Variants in MDGA2 observed in about 807,000 individuals in gnomAD.
MDGA2 encodes the protein MAM domain containing glycosylphosphatidylinositol anchor 2.
A neutral mutation model predicts 117.8 loss-of-function variants in MDGA2; 40 were observed. The ratio of observed to expected loss-of-function variants is 0.34; its 90% CI spans 0.26 to 0.44. MDGA2 has a LOEUF of 0.44. MDGA2 is among the 20% of genes least tolerant of loss of function. The pLI, the probability that MDGA2 is intolerant of heterozygous loss-of-function variation, is 1.00. For synonymous variants in MDGA2, 452 were observed against 439.0 expected, an observed-to-expected ratio of 1.03 and a Z score of -0.37; for missense variants, 1,123 against 1,250.6, an observed-to-expected ratio of 0.90 and a Z score of 1.54.
At chr14:46,987,270 T>A (rs764711683) in intron 8 of MDGA2, among the ~76,000 whole-genome samples, 14 of 152,076 alleles carry the variant, frequency 9.2e-5, no homozygotes, top group Non-Finnish European at 1.9e-4. Flanking sequence ...CATCACTGGT[T>A]TGTTTGTCCA....
At chr14:47,416,475 T>C (rs539944258) in intron 1 of MDGA2, among the ~76,000 whole-genome samples, 2 of 152,144 alleles carry the variant, frequency 1.3e-5, no homozygotes, top group East Asian at 3.9e-4. Context: ...TCTAATGGGT[T>C]GTAGTTAGGG....
rs989118730 is a variant in MDGA2, at chr14:47,330,099, T to A, written c.281-28549A>T. On this transcript the variant is annotated intron_variant, in intron 1 of 16. Coordinates refer to ENST00000399232, the MANE Select transcript of MDGA2 (RefSeq NM_001113498.3). Reference sequence around the variant, plus strand: ...TTAAAAGGAAGAACTGCAAAATCACTTGTATCTACACCTATATGTATATTT... The same window carrying A: ...TTAAAAGGAAGAACTGCAAAATCACATGTATCTACACCTATATGTATATTT... Among the ~76,000 whole-genome samples, 42 of 151,806 alleles carry A rather than the reference T, an allele frequency of 2.8e-4. 1 individual carries two copies. The highest frequency in any genetic ancestry group is 4.4e-5 in the Non-Finnish European group (3 of 67,858).
At chr14:47,572,168 T>A (rs1896032616) in intron 1 of MDGA2, among the ~76,000 whole-genome samples, 1 of 152,202 alleles carries the variant, frequency 6.6e-6, no homozygotes, top group Non-Finnish European at 1.5e-5. Context: ...GCACTGCTTG[T>A]GGCATTTATG....
intron 2 of MDGA2, among the ~76,000 whole-genome samples, chr14:47,294,103 C>CTTTTTTT (rs35698427): frequency 1.0e-5 from 1 of 99,142 alleles, no homozygotes; most frequent in Non-Finnish European, 1.9e-5. Context: ...ATATGGCAAT[C>CTTTTTTT]TTTTTTTTTT....
rs141768659 is a variant in MDGA2, at chr14:46,999,192, C to T, written c.1819+35819G>A. Among the ~76,000 whole-genome samples, 103 of 150,898 alleles carry T rather than the reference C, an allele frequency of 6.8e-4. 1 individual carries two copies. Among genetic ancestry groups the T allele is most frequent in the African/African-American group, 2.3e-3 (95 of 41,270 alleles). On this transcript the variant is annotated intron_variant, in intron 8 of 16. Transcript: ENST00000399232. ...GTGGAATCAGAAGGCAAAAATTCTA[C>T]TGTTGTCACAGCAGGTAAAAAAAAA...
chr14:47,615,697 C>G lies in MDGA2; in HGVS notation c.280+58820G>C, dbSNP rs373582508. ...TAATAGGCAATCCTAAAGCCTCAATCTCATTTATCACCAGCTTAGGTGAGA... is the reference window on the plus strand; with the variant it reads ...TAATAGGCAATCCTAAAGCCTCAATGTCATTTATCACCAGCTTAGGTGAGA... On this transcript the variant is annotated intron_variant, in intron 1 of 16. Transcript: ENST00000399232. Among the ~76,000 whole-genome samples the G allele has an allele frequency of 9.9e-4, 151 of 152,326 alleles. 3 individuals carry two copies. In the South Asian group the frequency reaches 0.029, roughly 30 times the overall value.
At chr14:47,597,929 G>GA (rs1896577597) in intron 1 of MDGA2, among the ~76,000 whole-genome samples, 1 of 148,344 alleles carries the variant, frequency 6.7e-6, no homozygotes, top group Non-Finnish European at 1.5e-5. Context: ...AATTACCCAA[G>GA]AAAAAAACAT....
chr14:47,067,734 A>C (rs1436252351), intron 6 of MDGA2, among the ~76,000 whole-genome samples: 1 of 152,224 alleles, frequency 6.6e-6, no homozygotes, highest in Non-Finnish European at 1.5e-5. Context: ...CTAAGCACTG[A>C]TATGAACAAG....
chr14:47,174,556 C>T (rs963849201), intron 3 of MDGA2, among the ~76,000 whole-genome samples: 2 of 152,050 alleles, frequency 1.3e-5, no homozygotes, highest in African/African-American at 4.8e-5. Context: ...CTACTGGGTA[C>T]ATAATGAAAT....
chr14:47,027,490 ACTTT>A (rs917877618), intron 8 of MDGA2, among the ~76,000 whole-genome samples: 20 of 152,138 alleles, frequency 1.3e-4, no homozygotes, highest in African/African-American at 4.6e-4. Context: ...GGTTGTACTT[ACTTT>A]AAGGTAGCAG....
chr14:46,948,596 C>A (rs1885257795), intron 9 of MDGA2, among the ~76,000 whole-genome samples: 1 of 151,934 alleles, frequency 6.6e-6, no homozygotes, highest in South Asian at 2.1e-4. Flanking sequence ...AGAGGAAGAA[C>A]AGTAGAAACT....
intron 1 of MDGA2, among the ~76,000 whole-genome samples, chr14:47,336,660 A>G (rs1263754489): frequency 1.3e-5 from 2 of 151,958 alleles, no homozygotes; most frequent in African/African-American, 4.8e-5. Context: ...AAGAGCTTTT[A>G]CATTAATAAT....
At chr14:47,540,237 T>C (rs1221300396) in intron 1 of MDGA2, among the ~76,000 whole-genome samples, 1 of 151,846 alleles carries the variant, frequency 6.6e-6, no homozygotes, top group Non-Finnish European at 1.5e-5. Context: ...ATCGTCTCGA[T>C]CTCCTGACCT....
chr14:47,414,483 A>T lies in MDGA2; in HGVS notation c.281-112933T>A, dbSNP rs140421824. Among the ~76,000 whole-genome samples the T allele has an allele frequency of 8.8e-4, 134 of 152,314 alleles. 1 individual carries two copies. Among genetic ancestry groups the T allele is most frequent in the African/African-American group, 2.8e-3 (116 of 41,592 alleles). ...TGGAAAGAATAATAGCCTTTGCTAA[A>T]TTACAAATGAGTATCTAAAAATGAA... On this transcript the variant is annotated intron_variant, in intron 1 of 16. Transcript: ENST00000399232.
intron 3 of MDGA2, among the ~76,000 whole-genome samples, chr14:47,144,602 C>G (rs997654058): frequency 6.6e-6 from 1 of 151,756 alleles, no homozygotes; most frequent in Non-Finnish European, 1.5e-5. Context: ...AACAATGAAC[C>G]TCAGTGACAA....
At chr14:47,327,758 T>A (rs1162264682) in intron 1 of MDGA2, among the ~76,000 whole-genome samples, 1 of 152,188 alleles carries the variant, frequency 6.6e-6, no homozygotes, top group African/African-American at 2.4e-5. Context: ...TATACTGGGC[T>A]CTTTGTTGTG....
intron 1 of MDGA2, among the ~76,000 whole-genome samples, chr14:47,480,994 C>CA (rs1194282313): frequency 6.6e-6 from 1 of 151,682 alleles, no homozygotes; most frequent in Admixed American, 6.6e-5. Flanking sequence ...AAAGAAGGGG[C>CA]AAAAAACCCT....
At chr14:47,395,561 G>T (rs1407215127) in intron 1 of MDGA2, among the ~76,000 whole-genome samples, 2 of 151,948 alleles carry the variant, frequency 1.3e-5, no homozygotes, top group African/African-American at 4.8e-5. Context: ...CTAGTGATTG[G>T]AAAATGATGT....
chr14:47,080,115 G>C (rs1208884738), intron 6 of MDGA2, among the ~76,000 whole-genome samples: 1 of 152,124 alleles, frequency 6.6e-6, no homozygotes, highest in Non-Finnish European at 1.5e-5. Context: ...GTTAACATTT[G>C]TCTAATTCAA....
Sources: gnomAD v4.1 joint callset for allele counts (sites outside exome capture counted in the v4.1 genomes callset) on GRCh38, gnomAD v4.1.1 for gene constraint, MANE v1.5 for transcripts, NCBI Gene and HGNC (gene_info 2026-07-23, HGNC 2026-07-21) for gene names.